MYOM3: variants seen among roughly 807,000 people sequenced by gnomAD.
MYOM3 encodes myomesin 3.
Under a neutral mutation model 191.7 loss-of-function variants are expected in MYOM3, and 155 were observed. That is an observed-to-expected ratio of 0.81 (90% CI 0.71 to 0.92). MYOM3 has a LOEUF of 0.92. Among genes scored for constraint, MYOM3 ranks in the 40% least tolerant of loss-of-function variants. MYOM3 has a pLI of 0.00. For synonymous variants in MYOM3, 757 were observed against 762.9 expected (o/e 0.99, Z 0.13); for missense variants, 1,889 against 1,890.6 (o/e 1.00, Z 0.02).
intron 11 of MYOM3, among the ~76,000 whole-genome samples, chr1:24,091,232 G>A (rs758924930): frequency 5.3e-5 from 8 of 152,314 alleles, no homozygotes; most frequent in African/African-American, 1.4e-4. Flanking sequence ...TCGTGAGCCT[G>A]TGACTGTGCT....
At chr1:24,095,332 A>G in intron 8 of MYOM3, 110 bp downstream of exon 8, 1 of 1,075,840 alleles carries the variant, frequency 9.3e-7, no homozygotes, top group East Asian at 2.4e-5. Flanking sequence ...ACCCCGGTGG[A>G]CGTCCTTTTA....
In MYOM3 at chr1:24,080,157, G is replaced by A. The variant is rs4649175; in HGVS notation, c.2445C>T (p.Ala815=). Residue 815 remains alanine (A), a synonymous_variant, in exon 20 of 37, where the codon GCC becomes GCT. Transcript: ENST00000374434. ...PYDVRASEVR[A]TSLVLQWEPP... is the part of the protein sequence containing the mutation. ...GTTCCCACTGCAGCACCAGGGATGTGGCCCGCACCTCGGATGCCCGTACAT... is the reference window on the plus strand; with the variant it reads ...GTTCCCACTGCAGCACCAGGGATGTAGCCCGCACCTCGGATGCCCGTACAT... The A allele has an allele frequency of 0.42, 671,483 of 1,612,856 alleles. 142,873 individuals carry two copies. Among genetic ancestry groups the A allele is most frequent in the East Asian group, 0.45 (20,054 of 44,804 alleles).
intron 20 of MYOM3, among the ~76,000 whole-genome samples, chr1:24,079,748 G>A (rs1299789864): frequency 6.6e-6 from 1 of 152,204 alleles, no homozygotes; most frequent in East Asian, 1.9e-4. Flanking sequence ...GCTGGGTCAA[G>A]GGATATACAT....
At chr1:24,098,123 G>A (rs576392630) in intron 6 of MYOM3, 112 bp from the exon 7 acceptor site, 3 of 741,800 alleles carry the variant, frequency 4.0e-6, no homozygotes, top group Non-Finnish European at 7.3e-6. Flanking sequence ...CACGGTGCCA[G>A]GAAGAGACTT....
intron 2 of MYOM3, 39 bp from the exon 3 acceptor site, chr1:24,108,112 A>T: frequency 6.3e-7 from 1 of 1,592,166 alleles, no homozygotes; most frequent in South Asian, 1.1e-5. Context: ...CTCTTGCAGG[A>T]TTGGCTGGGG....
intron 5 of MYOM3, among the ~76,000 whole-genome samples, chr1:24,103,362 A>T (rs1643954577): frequency 6.6e-6 from 1 of 152,134 alleles, no homozygotes; most frequent in East Asian, 1.9e-4. Context: ...GCCAGCTGGG[A>T]ATGACCAGCC....
chr1:24,070,411 G>A (rs1643516244), intron 25 of MYOM3, among the ~76,000 whole-genome samples: 1 of 149,516 alleles, frequency 6.7e-6, no homozygotes, highest in African/African-American at 2.5e-5. Flanking sequence ...GCAAAACCCT[G>A]TCTCTACAAA....
rs752537105 is a variant in MYOM3, at chr1:24,064,156, A to G, written c.3538T>C (p.Ser1180Pro). 7.4e-6 allele frequency: 12 copies of G among 1,613,042 alleles called. No individual in the cohort carries two copies. In the East Asian group the frequency reaches 2.2e-4, roughly 30 times the overall value. The change falls in exon 30 of 37, where the codon TCC becomes CCC. Residue 1180 changes from serine (S) to proline (P), a missense_variant. Transcript: ENST00000374434. Reference sequence around the variant, plus strand: ...CTGTAAATTCCCTTGTCCTTTTTGGACAACTGGAAAGAAGGATGAGCGATG... The same window carrying G: ...CTGTAAATTCCCTTGTCCTTTTTGGGCAACTGGAAAGAAGGATGAGCGATG... ...GTGLLCIEEL[S>P]KKDKGIYRAM... is the part of the protein sequence containing the mutation.
At chr1:24,059,479 C>T (rs1355903564) in intron 35 of MYOM3, among the ~76,000 whole-genome samples, 2 of 152,198 alleles carry the variant, frequency 1.3e-5, no homozygotes, top group Non-Finnish European at 2.9e-5. Context: ...TCTTTGTATT[C>T]ATAAGTAGAA....
chr1:24,101,653 G>A (rs1643935177), intron 5 of MYOM3, among the ~76,000 whole-genome samples: 1 of 152,122 alleles, frequency 6.6e-6, no homozygotes, highest in Non-Finnish European at 1.5e-5. Context: ...TCAGGAGGCT[G>A]AGGCAGGAGG....
chr1:24,084,603 C>G lies in MYOM3; in HGVS notation c.1835G>C (p.Arg612Thr). The stretch of plus-strand genomic sequence containing the variant: ...CAGGGAGACAGAGGTCTGTGTGTCT[C>G]TGAAAGCTTGAACTTGAGCTGGAGG... ...LPPPAQVQAF[R>T]DTQTSVSLTW... The change falls in exon 16 of 37, where the codon AGA (arginine) becomes ACA (threonine). Residue 612 changes from arginine to threonine, a missense_variant. By Grantham distance (71) the Arg-to-Thr change is moderately conservative. Transcript: ENST00000374434. The G allele has an allele frequency of 6.2e-7, 1 of 1,613,594 alleles. No individual in the cohort carries two copies. Among genetic ancestry groups the G allele is most frequent in the Non-Finnish European group, 8.5e-7 (1 of 1,179,846 alleles).
chr1:24,068,622 G>T (rs772295231), intron 25 of MYOM3, among the ~76,000 whole-genome samples: 1 of 152,044 alleles, frequency 6.6e-6, no homozygotes, highest in African/African-American at 2.4e-5. Context: ...GCAGTGGAGC[G>T]ATCAGTTACA....
intron 23 of MYOM3, among the ~76,000 whole-genome samples, chr1:24,072,781 C>T (rs929307112): frequency 2.4e-4 from 37 of 152,252 alleles, no homozygotes; most frequent in Non-Finnish European, 4.3e-4. Flanking sequence ...GTGATCCGCC[C>T]GCCTCAGCCT....
chr1:24,086,926 A>T, intron 14 of MYOM3, 99 bp from the exon 15 acceptor site: 1 of 1,284,284 alleles, frequency 7.8e-7, no homozygotes, highest in Non-Finnish European at 1.1e-6. Context: ...GTGTGCTCTC[A>T]TGATCCTCTA....
At chr1:24,095,117 C>T (rs1184013631) in intron 8 of MYOM3, 127 bp from the exon 9 acceptor site, 20 of 1,040,302 alleles carry the variant, frequency 1.9e-5, no homozygotes, top group Non-Finnish European at 2.5e-5. Context: ...GGGGACCTGG[C>T]CTTGGGGTAG....
Position 24,076,179 on chromosome 1 carries a change from A to ACC in MYOM3, c.2680_2681insGG (p.Val894GlyfsTer66). 1.2e-6 allele frequency: 2 copies of ACC among 1,614,144 alleles called. No homozygotes were observed. The highest frequency in any genetic ancestry group is 1.7e-6 in the Non-Finnish European group (2 of 1,179,970). On this transcript the variant is annotated frameshift_variant, in exon 21 of 37. Coordinates refer to ENST00000374434, the MANE Select transcript of MYOM3 (RefSeq NM_152372.4). LOFTEE classifies it high-confidence loss of function. Reference sequence around the variant, plus strand: ...CCTACCTGGCTTGTCCTCCAGGAGCACGGGATCAGTGGGCATGGACGGTTG... The same window carrying ACC: ...CCTACCTGGCTTGTCCTCCAGGAGCACCCGGGATCAGTGGGCATGGACGGTTG...
In MYOM3 at chr1:24,090,117, C is replaced by G; in HGVS notation, c.1434G>C (p.Glu478Asp). 1 of 1,612,478 alleles carries G rather than the reference C, an allele frequency of 6.2e-7. No homozygotes were observed. Among genetic ancestry groups the G allele is most frequent in the Non-Finnish European group, 8.5e-7 (1 of 1,178,556 alleles). Residue 478 changes from glutamate to aspartate, a missense_variant and splice_region_variant, in exon 13 of 37, where the codon GAG becomes GAC. Glu to Asp is a conservative substitution (Grantham distance 45). Transcript: ENST00000374434. ...TCTTGTTTCCCAGATCAAAGGGGAT[C>G]TCTAGGATGAGAAGGGAGCATGGGA... ...GDHDAARRKTEIPFDLGNKIT... is the reference protein window; with the variant it reads ...GDHDAARRKTDIPFDLGNKIT...
chr1:24,110,348 GT>G (rs1350063158), intron 1 of MYOM3, among the ~76,000 whole-genome samples: 9 of 152,096 alleles, frequency 5.9e-5, no homozygotes, highest in Non-Finnish European at 1.3e-4. Context: ...GCGTGTGTGT[GT>G]GTGGGCGTGC....
intron 16 of MYOM3, chr1:24,084,240 C>A: frequency 1.9e-6 from 1 of 530,118 alleles, no homozygotes; most frequent in Non-Finnish European, 3.4e-6. Context: ...GCACTTCCTG[C>A]TTTGCTCTTT....
Sources: allele counts gnomAD v4.1 joint callset (sites outside exome capture counted in the v4.1 genomes callset), GRCh38; gene constraint gnomAD v4.1.1; transcripts MANE v1.5; gene names NCBI Gene and HGNC (gene_info 2026-07-23, HGNC 2026-07-21).